The following CNTNAP2 variants were observed in gnomAD, a reference collection of about 807,000 sequenced individuals.
The protein encoded by CNTNAP2 is contactin associated protein 2.
CNTNAP2 carries 98 observed loss-of-function variants against 155.2 expected under a neutral mutation model. The ratio of observed to expected loss-of-function variants is 0.63; its 90% CI spans 0.54 to 0.75. CNTNAP2 has a LOEUF of 0.75. Among genes scored for constraint, CNTNAP2 ranks in the 30% least tolerant of loss-of-function variants. The pLI is 0.00. For synonymous variants in CNTNAP2, 651 were observed against 631.2 expected, an observed-to-expected ratio of 1.03 and a Z score of -0.47; for missense variants, 1,727 against 1,688.1, an observed-to-expected ratio of 1.02 and a Z score of -0.40.
intron 1 of CNTNAP2, among the ~76,000 whole-genome samples, chr7:146,301,196 A>G (rs1800603246): frequency 6.6e-6 from 1 of 152,186 alleles, no homozygotes; most frequent in African/African-American, 2.4e-5. Context: ...GACATTTCCA[A>G]AACCAATTGG....
intron 1 of CNTNAP2, among the ~76,000 whole-genome samples, chr7:146,542,558 A>G (rs1797968128): frequency 6.6e-6 from 1 of 151,356 alleles, no homozygotes; most frequent in Non-Finnish European, 1.5e-5. Context: ...TGGCCCCTAA[A>G]CTCTAAAGGT....
intron 10 of CNTNAP2, among the ~76,000 whole-genome samples, chr7:147,484,047 C>T (rs1026288680): frequency 2.0e-5 from 3 of 152,058 alleles, no homozygotes; most frequent in African/African-American, 7.2e-5. Flanking sequence ...ACTTGTAACT[C>T]CTCTAGTATC....
chr7:146,211,971 C>T lies in CNTNAP2; in HGVS notation c.97+94998C>T, dbSNP rs552671403. 2.0e-5 allele frequency among the ~76,000 whole-genome samples: 3 copies of T among 152,026 alleles called. No homozygotes were observed. The East Asian group carries it at 5.8e-4, about 29-fold the overall frequency. ...CATAGATAGATACAGCTTTTCTGGT[C>T]TGTAGAAACTGCTAAAATCTTATCG... On this transcript the variant is annotated intron_variant, in intron 1 of 23. Coordinates refer to ENST00000361727, the MANE Select transcript of CNTNAP2 (RefSeq NM_014141.6).
chr7:146,787,963 T>A (rs1484908679), intron 2 of CNTNAP2, among the ~76,000 whole-genome samples: 1 of 152,098 alleles, frequency 6.6e-6, no homozygotes, highest in Non-Finnish European at 1.5e-5. Context: ...CCCCACCAGA[T>A]TAGCTAGACA....
At chr7:147,513,358 C>A (rs1799055156) in intron 11 of CNTNAP2, among the ~76,000 whole-genome samples, 1 of 151,792 alleles carries the variant, frequency 6.6e-6, no homozygotes, top group Middle Eastern at 3.4e-3. Flanking sequence ...TTCCATTGTA[C>A]CCCTACAAAA....
intron 1 of CNTNAP2, among the ~76,000 whole-genome samples, chr7:146,117,626 A>C (rs1365002595): frequency 6.6e-6 from 1 of 152,164 alleles, no homozygotes; most frequent in Non-Finnish European, 1.5e-5. Flanking sequence ...AGTAATAAAC[A>C]GATTCTTAAT....
At chr7:147,635,430 C>A (rs1361948425) in intron 12 of CNTNAP2, among the ~76,000 whole-genome samples, 2 of 151,858 alleles carry the variant, frequency 1.3e-5, no homozygotes, top group Admixed American at 1.3e-4. Context: ...TGCCCAAGCT[C>A]CAAAAATGTA....
chr7:147,783,206 G>A (rs1410594189), intron 13 of CNTNAP2, among the ~76,000 whole-genome samples: 1 of 152,118 alleles, frequency 6.6e-6, no homozygotes, highest in East Asian at 1.9e-4. Context: ...AGGTAAGTTG[G>A]GAATTGTGTG....
chr7:146,577,165 T>C (rs868720585), intron 1 of CNTNAP2, among the ~76,000 whole-genome samples: 76 of 152,268 alleles, frequency 5.0e-4, no homozygotes, highest in African/African-American at 1.8e-3. Context: ...AATTTAGTAA[T>C]GCTTTTGCTA....
At chr7:146,704,120 C>T (rs1800923069) in intron 1 of CNTNAP2, among the ~76,000 whole-genome samples, 1 of 152,214 alleles carries the variant, frequency 6.6e-6, no homozygotes, top group Middle Eastern at 3.4e-3. Flanking sequence ...ATAGTAAATA[C>T]ATTTTGTAAA....
intron 20 of CNTNAP2, among the ~76,000 whole-genome samples, chr7:148,260,199 T>C (rs190673402): frequency 6.6e-6 from 1 of 152,366 alleles, no homozygotes; most frequent in African/African-American, 2.4e-5. Context: ...ATTTTCTCTT[T>C]TAAATGTAAA....
intron 15 of CNTNAP2, among the ~76,000 whole-genome samples, chr7:147,985,115 A>AT (rs1554458356): frequency 2.1e-5 from 3 of 145,472 alleles, no homozygotes; most frequent in South Asian, 2.2e-4. Context: ...ACTCTGTCAA[A>AT]AAATAAATAA....
At chr7:146,704,299 A>G (rs1180116422) in intron 1 of CNTNAP2, among the ~76,000 whole-genome samples, 1 of 152,122 alleles carries the variant, frequency 6.6e-6, no homozygotes, top group Non-Finnish European at 1.5e-5. Flanking sequence ...CAGCAATTTT[A>G]CTAAATTATA....
chr7:146,695,153 T>C (rs781642149), intron 1 of CNTNAP2, among the ~76,000 whole-genome samples: 3 of 152,168 alleles, frequency 2.0e-5, no homozygotes, highest in Non-Finnish European at 4.4e-5. Flanking sequence ...CACCCTTGTC[T>C]TGTTCTCTCT....
intron 11 of CNTNAP2, among the ~76,000 whole-genome samples, chr7:147,499,939 T>A (rs1798780481): frequency 6.6e-6 from 1 of 152,184 alleles, no homozygotes; most frequent in Non-Finnish European, 1.5e-5. Context: ...CTGAAGATAA[T>A]ATAAATGCAG....
intron 1 of CNTNAP2, among the ~76,000 whole-genome samples, chr7:146,768,930 A>T (rs895648035): frequency 6.6e-6 from 1 of 152,194 alleles, no homozygotes; most frequent in African/African-American, 2.4e-5. Flanking sequence ...GAAGTCCTTT[A>T]ATCTTGTAAA....
chr7:146,526,591 C>A (rs1395363777), intron 1 of CNTNAP2, among the ~76,000 whole-genome samples: 1 of 152,138 alleles, frequency 6.6e-6, no homozygotes, highest in Non-Finnish European at 1.5e-5. Flanking sequence ...CCCCATGATC[C>A]AGTGACCTCC....
intron 1 of CNTNAP2, among the ~76,000 whole-genome samples, chr7:146,267,066 T>C (rs1800005301): frequency 6.6e-6 from 1 of 151,810 alleles, no homozygotes; most frequent in African/African-American, 2.4e-5. Flanking sequence ...CTGCATAAAA[T>C]AAAGGGAGAT....
At chr7:147,422,399 C>T (rs1001778955) in intron 10 of CNTNAP2, among the ~76,000 whole-genome samples, 9 of 151,358 alleles carry the variant, frequency 5.9e-5, no homozygotes, top group African/African-American at 2.2e-4. Flanking sequence ...TATATACATA[C>T]TATATATGTA....
Sources: gnomAD v4.1 joint callset for allele counts (sites outside exome capture counted in the v4.1 genomes callset) on GRCh38, gnomAD v4.1.1 for gene constraint, MANE v1.5 for transcripts, NCBI Gene and HGNC (gene_info 2026-07-23, HGNC 2026-07-21) for gene names.